The following TMEM187 variants were observed in gnomAD, a reference collection of about 807,000 sequenced individuals.
TMEM187 encodes transmembrane protein 187.
A neutral mutation model predicts 11.8 loss-of-function variants in TMEM187; 14 were observed. The observed-to-expected ratio is 1.18, with a 90% CI of 0.78 to 1.85. The LOEUF is 1.85. Among genes scored for constraint, TMEM187 ranks in the 40% most tolerant of loss-of-function variants. The probability of loss-of-function intolerance (pLI) is 0.00; values close to 1 mark genes in which losing one functional copy is unlikely to be tolerated. For missense variants in TMEM187, 227 were observed against 243.9 expected (o/e 0.93, Z 0.46); for synonymous variants, 112 against 118.5 (o/e 0.95, Z 0.36).
At chrX:153,975,246 G>A (rs914603940) in intron 1 of TMEM187, among the ~76,000 whole-genome samples, 19 of 111,458 alleles carry the variant, frequency 1.7e-4, no homozygotes, top group African/African-American at 4.9e-4. Context: ...TGTGATTTTG[G>A]GGTCTTAGCC....
intron 1 of TMEM187, among the ~76,000 whole-genome samples, chrX:153,976,587 T>C (rs1021433439): frequency 3.6e-5 from 4 of 109,908 alleles, no homozygotes; most frequent in Non-Finnish European, 7.6e-5. Context: ...ATTGGCTGGG[T>C]GCAGTAACTC....
At chrX:153,973,793 CAGAA>C (rs1343181627) in intron 1 of TMEM187, among the ~76,000 whole-genome samples, 1 of 112,717 alleles carries the variant, frequency 8.9e-6, no homozygotes, top group Non-Finnish European at 1.9e-5. Context: ...CCTTTATCCA[CAGAA>C]AGACAGCAAG....
intron 1 of TMEM187, among the ~76,000 whole-genome samples, chrX:153,974,660 A>G: frequency 8.9e-6 from 1 of 112,413 alleles, no homozygotes; most frequent in Non-Finnish European, 1.9e-5. Flanking sequence ...ACACCCCTGG[A>G]CCCAGAGGCT....
chrX:153,978,962 T>C (rs1474050984), intron 1 of TMEM187, among the ~76,000 whole-genome samples: 1 of 111,509 alleles, frequency 9.0e-6, no homozygotes, highest in Non-Finnish European at 1.9e-5. Flanking sequence ...AATTTTTTTG[T>C]ATTTTTGTAG....
chrX:153,974,272 C>T (rs1183217278), intron 1 of TMEM187, among the ~76,000 whole-genome samples: 1 of 112,184 alleles, frequency 8.9e-6, no homozygotes, highest in Non-Finnish European at 1.9e-5. Flanking sequence ...GCTCTCCGCC[C>T]TGCTTGCTGG....
Position 153,972,836 on chromosome X carries a change from T to C in TMEM187, c.-238T>C, listed in dbSNP as rs2065557406. 8.9e-6 allele frequency: 1 copy of C among 112,252 alleles called. No individual in the cohort carries two copies. Among genetic ancestry groups the C allele is most frequent in the Non-Finnish European group, 1.9e-5 (1 of 52,813 alleles). The allele number at this position is 112,252 out of a possible 1,213,427, so 9.3% of individuals were successfully genotyped here. On this transcript the variant is annotated 5_prime_UTR_variant, in exon 1 of 2. Coordinates refer to ENST00000369982, the MANE Select transcript of TMEM187 (RefSeq NM_003492.3). Reference sequence around the variant, plus strand: ...GTGAGGCGAAATACCCGTATGGTGATAGCTGGCCTTTTCGCGCCAATACTG... The same window carrying C: ...GTGAGGCGAAATACCCGTATGGTGACAGCTGGCCTTTTCGCGCCAATACTG...
chrX:153,973,473 C>T, intron 1 of TMEM187, among the ~76,000 whole-genome samples: 1 of 112,233 alleles, frequency 8.9e-6, no homozygotes, highest in Non-Finnish European at 1.9e-5. Context: ...CCTGTAATCC[C>T]AACACTTTGG....
At position 153,972,766 on chromosome X, in the gene TMEM187, C is replaced by G. The variant is rs1247084993; in HGVS notation, c.-308C>G. 2 of 111,682 alleles carry G rather than the reference C, an allele frequency of 1.8e-5. No individual in the cohort carries two copies. The highest frequency in any genetic ancestry group is 3.8e-5 in the Non-Finnish European group (2 of 52,675). The allele number at this position is 111,682 out of a possible 1,213,427, so 9.2% of individuals were successfully genotyped here. On this transcript the variant is annotated 5_prime_UTR_variant, in exon 1 of 2. Transcript: ENST00000369982. ...TGCGCGCAGGCGCACCGGCGCTGCT[C>G]GGATCCTCCCTTTTCGGAGATTTGA... is the stretch of plus-strand genomic sequence containing the variant.
chrX:153,981,993 T>C lies in TMEM187; in HGVS notation c.-70T>C. 8.3e-7 allele frequency: 1 copy of C among 1,209,475 alleles called. No homozygotes were observed. Among genetic ancestry groups the C allele is most frequent in the South Asian group, 1.8e-5 (1 of 56,776 alleles). On this transcript the variant is annotated 5_prime_UTR_variant, in exon 2 of 2. Transcript: ENST00000369982. ...TGGCTCAGCCGGGAGGCCCAGAGTGTTCTGCAGAGGCTGCGTATTGAAGGC... is the reference window on the plus strand; with the variant it reads ...TGGCTCAGCCGGGAGGCCCAGAGTGCTCTGCAGAGGCTGCGTATTGAAGGC...
chrX:153,974,747 G>T (rs139426132), intron 1 of TMEM187, among the ~76,000 whole-genome samples: 1 of 112,129 alleles, frequency 8.9e-6, no homozygotes, highest in Non-Finnish European at 1.9e-5. Context: ...AAGCAAGGAC[G>T]TATGGAGTGA....
intron 1 of TMEM187, among the ~76,000 whole-genome samples, chrX:153,976,088 G>A (rs1337811471): frequency 2.7e-5 from 3 of 111,561 alleles, no homozygotes; most frequent in African/African-American, 9.8e-5. Context: ...ATTTATTGAA[G>A]AGACCATCCT....
intron 1 of TMEM187, among the ~76,000 whole-genome samples, chrX:153,976,064 A>G (rs1231104516): frequency 2.7e-5 from 3 of 110,737 alleles, no homozygotes; most frequent in African/African-American, 6.6e-5. Context: ...TACTTATCCA[A>G]TTTTCCCAGT....
Position 153,981,945 on chromosome X carries a change from G to A in TMEM187, c.-118G>A, listed in dbSNP as rs182635936. ...TCGCAGCATCTGCCTCGGAAATCAC[G>A]AAATCACGGGGCTTCTTTCTGCTGG... On this transcript the variant is annotated 5_prime_UTR_variant, in exon 2 of 2. Coordinates refer to ENST00000369982, the MANE Select transcript of TMEM187 (RefSeq NM_003492.3). 1,126 of 1,156,166 alleles carry A rather than the reference G, an allele frequency of 9.7e-4. 1 individual carries two copies. The highest frequency in any genetic ancestry group is 1.1e-3 in the Non-Finnish European group (960 of 859,661).
chrX:153,978,750 ATTTTTTGTTT>A (rs1408474278), intron 1 of TMEM187, among the ~76,000 whole-genome samples: 7 of 65,657 alleles, frequency 1.1e-4, no homozygotes, highest in Admixed American at 5.7e-4. Context: ...CACCTGGCTA[ATTTTTTGTTT>A]TGTTTTGTTT....
In TMEM187 at chrX:153,972,801, A is replaced by G. The variant is rs1348073797; in HGVS notation, c.-273A>G. ...CTTTTCGGAGATTTGAATTTCCCCC[A>G]GCGAGGCGAGTGAGGCGAAATACCC... On this transcript the variant is annotated 5_prime_UTR_variant, in exon 1 of 2. Transcript: ENST00000369982. 1 of 111,748 alleles carries G rather than the reference A, an allele frequency of 8.9e-6. No individual in the cohort carries two copies. The highest frequency in any genetic ancestry group is 1.9e-5 in the Non-Finnish European group (1 of 52,661). 9.2% of individuals were successfully genotyped at this position (111,748 alleles called of 1,213,427 possible).
At position 153,983,015 on chromosome X, in the gene TMEM187, G is replaced by C; in HGVS notation, c.*167G>C. On this transcript the variant is annotated 3_prime_UTR_variant, in exon 2 of 2. Coordinates refer to ENST00000369982, the MANE Select transcript of TMEM187 (RefSeq NM_003492.3). ...GGGCTTCGGTGTGGAGGGGTGGAGT[G>C]CTGTGATCTCGACAACTTACTTTCA... 1 of 1,020,536 alleles carries C rather than the reference G, an allele frequency of 9.8e-7. No individual in the cohort carries two copies. Among genetic ancestry groups the C allele is most frequent in the African/African-American group, 1.9e-5 (1 of 53,410 alleles). 84.1% of individuals were successfully genotyped at this position (1,020,536 alleles called of 1,213,427 possible). A position where few individuals can be genotyped will look rare whatever the true frequency, so the allele number is the denominator to read the frequency against.
At chrX:153,980,429 T>G (rs1356540821) in intron 1 of TMEM187, among the ~76,000 whole-genome samples, 1 of 112,129 alleles carries the variant, frequency 8.9e-6, no homozygotes, top group African/African-American at 3.2e-5. Context: ...TCCTGGCGCT[T>G]CTTCCAGGGA....
At chrX:153,978,932 G>A (rs1414425516) in intron 1 of TMEM187, among the ~76,000 whole-genome samples, 15 of 111,078 alleles carry the variant, frequency 1.4e-4, no homozygotes, top group African/African-American at 4.3e-4. Context: ...GATTACAGGC[G>A]TGCGCCACCA....
chrX:153,979,765 C>T (rs1328521887), intron 1 of TMEM187, among the ~76,000 whole-genome samples: 9 of 91,616 alleles, frequency 9.8e-5, no homozygotes, highest in African/African-American at 2.8e-4. Context: ...TAGATGGAGT[C>T]GCGCTCTGTC....
Sources: allele counts gnomAD v4.1 joint callset (sites outside exome capture counted in the v4.1 genomes callset), GRCh38; gene constraint gnomAD v4.1.1; transcripts MANE v1.5; gene names NCBI Gene and HGNC (gene_info 2026-07-23, HGNC 2026-07-21).